Variants in MLLT10 observed in about 807,000 individuals in gnomAD.
MLLT10 encodes MLLT10 histone lysine methyltransferase DOT1L cofactor.
A neutral mutation model predicts 129.1 loss-of-function variants in MLLT10; 30 were observed. The ratio of observed to expected loss-of-function variants is 0.23; its 90% confidence interval spans 0.17 to 0.32. MLLT10 has a LOEUF of 0.32. MLLT10 is among the 10% of genes least tolerant of loss of function. MLLT10 has a pLI of 1.00. For missense variants in MLLT10, 1,119 were observed against 1,268.3 expected (o/e 0.88, Z 1.79); for synonymous variants, 490 against 446.4 (o/e 1.10, Z -1.23).
intron 5 of MLLT10, among the ~76,000 whole-genome samples, chr10:21,605,940 C>T (rs1427014335): frequency 6.6e-6 from 1 of 151,348 alleles, no homozygotes; most frequent in Non-Finnish European, 1.5e-5. Flanking sequence ...TCTTTTTTAC[C>T]GAATTGAAGT....
At chr10:21,611,656 G>A (rs780360902) in intron 5 of MLLT10, among the ~76,000 whole-genome samples, 1 of 152,102 alleles carries the variant, frequency 6.6e-6, no homozygotes, top group Non-Finnish European at 1.5e-5. Context: ...ATTTTGAGCT[G>A]TGAAAAGTTA....
intron 8 of MLLT10, among the ~76,000 whole-genome samples, chr10:21,621,928 C>T (rs1211509441): frequency 6.6e-6 from 1 of 151,944 alleles, no homozygotes; most frequent in African/African-American, 2.4e-5. Flanking sequence ...CTGTGGTATC[C>T]AAATTATTTA....
At chr10:21,735,693 T>G (rs1356181844) in intron 21 of MLLT10, among the ~76,000 whole-genome samples, 7 of 151,986 alleles carry the variant, frequency 4.6e-5, no homozygotes, top group Admixed American at 4.6e-4. Context: ...GAGTGTGCCT[T>G]TGTGACTTGA....
intron 21 of MLLT10, among the ~76,000 whole-genome samples, chr10:21,735,477 G>A (rs890570654): frequency 6.6e-6 from 1 of 152,216 alleles, no homozygotes; most frequent in Non-Finnish European, 1.5e-5. Flanking sequence ...GTGCTGAGAT[G>A]TGGTGCGTGT....
chr10:21,717,889 CTCCTCCTCCTCCTCCTCCTCCTT>C (rs2056847652), intron 14 of MLLT10, among the ~76,000 whole-genome samples: 2 of 142,536 alleles, frequency 1.4e-5, no homozygotes, highest in African/African-American at 5.5e-5. Flanking sequence ...CCTCCTCCTT[CTCCTCCTCCTCCTCCTCCTCCTT>C]CTCCTTCTCC....
intron 3 of MLLT10, among the ~76,000 whole-genome samples, chr10:21,582,361 C>G (rs1209224366): frequency 6.6e-6 from 1 of 152,130 alleles, no homozygotes; most frequent in Admixed American, 6.6e-5. Context: ...CTCAGGTGAT[C>G]TGCCCGCCTC....
intron 5 of MLLT10, among the ~76,000 whole-genome samples, chr10:21,596,623 A>G (rs556079257): frequency 6.6e-5 from 10 of 151,468 alleles, no homozygotes; most frequent in African/African-American, 1.2e-4. Flanking sequence ...AAACTTTGCT[A>G]TTCTTTCTAG....
chr10:21,574,891 A>T (rs2040573873), intron 3 of MLLT10, among the ~76,000 whole-genome samples: 1 of 152,070 alleles, frequency 6.6e-6, no homozygotes. Context: ...TTTTATCAGC[A>T]AGGTTTTTAT....
At chr10:21,674,824 T>G (rs1157432325) in intron 11 of MLLT10, among the ~76,000 whole-genome samples, 1 of 152,190 alleles carries the variant, frequency 6.6e-6, no homozygotes, top group African/African-American at 2.4e-5. Context: ...TGGATTGTAT[T>G]TGTTCTATTA....
At chr10:21,630,450 A>T (rs370591819) in intron 8 of MLLT10, among the ~76,000 whole-genome samples, 16 of 152,364 alleles carry the variant, frequency 1.1e-4, no homozygotes, top group African/African-American at 3.6e-4. Flanking sequence ...ACAGTTCTCC[A>T]TGGTTCTCAC....
intron 5 of MLLT10, 79 bp downstream of exon 5, chr10:21,595,519 A>G: frequency 2.7e-6 from 3 of 1,095,028 alleles, no homozygotes; most frequent in Admixed American, 2.4e-5. Flanking sequence ...TTTTAAAATC[A>G]CAGGTCTCCA....
In MLLT10 at chr10:21,646,513, G is replaced by T. The variant is rs542118566; in HGVS notation, c.700-5160G>T. ...TTTAGGTTTTGGTTATGTTTTTTTG[G>T]GGGGGTAGATAAGAGTCTACCTTGT... On this transcript the variant is annotated intron_variant, in intron 8 of 22. Transcript: ENST00000307729. 2.7e-5 allele frequency among the ~76,000 whole-genome samples: 4 copies of T among 150,924 alleles called. No individual in the cohort carries two copies. In the East Asian group the frequency reaches 5.8e-4, roughly 22 times the overall value.
At chr10:21,591,297 G>A (rs1460385324) in intron 4 of MLLT10, among the ~76,000 whole-genome samples, 2 of 152,026 alleles carry the variant, frequency 1.3e-5, no homozygotes, top group African/African-American at 2.4e-5. Context: ...GAGCTCCAGC[G>A]ATTAACAGGC....
chr10:21,542,522 A>G (rs893635719), intron 3 of MLLT10, among the ~76,000 whole-genome samples: 3 of 152,232 alleles, frequency 2.0e-5, no homozygotes, highest in African/African-American at 7.2e-5. Flanking sequence ...GTGAGCTGAG[A>G]TCGTGCCATT....
chr10:21,716,144 A>G lies in MLLT10; in HGVS notation c.1878+2194A>G, dbSNP rs1212582541. Among the ~76,000 whole-genome samples, 4 of 152,360 alleles carry G rather than the reference A, an allele frequency of 2.6e-5. 1 individual carries two copies. The South Asian group carries it at 6.2e-4, about 24-fold the overall frequency. On this transcript the variant is annotated intron_variant, in intron 14 of 22. Coordinates refer to ENST00000307729, the MANE Select transcript of MLLT10 (RefSeq NM_001195626.3). The stretch of plus-strand genomic sequence containing the variant: ...AAATTTTCTAGGCAATGTGCAAAGG[A>G]AAGGATACAGAAATATTTAGATAGA...
intron 3 of MLLT10, among the ~76,000 whole-genome samples, chr10:21,576,615 T>C (rs141140178): frequency 7.9e-5 from 12 of 151,802 alleles, no homozygotes; most frequent in African/African-American, 2.9e-4. Flanking sequence ...TACTTTTCTA[T>C]CCGTGCTAAT....
intron 14 of MLLT10, among the ~76,000 whole-genome samples, chr10:21,715,564 T>C (rs2056482521): frequency 6.6e-6 from 1 of 152,240 alleles, no homozygotes; most frequent in Admixed American, 6.5e-5. Flanking sequence ...AAGTCTCACA[T>C]GAACATTTTC....
At chr10:21,673,318 C>CCGTT in intron 10 of MLLT10, 32 bp from the exon 11 acceptor site, 1 of 307,342 alleles carries the variant, frequency 3.3e-6, no homozygotes, top group Non-Finnish European at 5.0e-6. Flanking sequence ...CACCCCCCAA[C>CCGTT]TTTTTTTTTT....
Position 21,649,353 on chromosome 10 carries a change from A to G in MLLT10, c.700-2320A>G, listed in dbSNP as rs1049098238. On this transcript the variant is annotated intron_variant, in intron 8 of 22. Transcript: ENST00000307729. Reference sequence around the variant, plus strand: ...TGGCTTCCCAAAGTGCCGGGATTACAGGTGTGAGCCAGTGTGCCTGGCCTG... The same window carrying G: ...TGGCTTCCCAAAGTGCCGGGATTACGGGTGTGAGCCAGTGTGCCTGGCCTG... Among the ~76,000 whole-genome samples the G allele has an allele frequency of 3.9e-5, 6 of 152,178 alleles. 1 individual carries two copies. The highest frequency in any genetic ancestry group is 8.8e-5 in the Non-Finnish European group (6 of 68,020).
Sources: allele counts gnomAD v4.1 joint callset (sites outside exome capture counted in the v4.1 genomes callset), GRCh38; gene constraint gnomAD v4.1.1; transcripts MANE v1.5; gene names NCBI Gene and HGNC (gene_info 2026-07-23, HGNC 2026-07-21).